COL5A2: variants seen among roughly 807,000 people sequenced by gnomAD.
COL5A2 encodes the protein collagen type V alpha 2 chain.
A neutral mutation model predicts 208.2 loss-of-function variants in COL5A2; 23 were observed. The observed-to-expected ratio is 0.11, with a 90% CI of 0.08 to 0.16. The LOEUF (loss-of-function observed/expected upper bound fraction) is 0.16. COL5A2 is among the 10% of genes least tolerant of loss of function. The pLI, the probability that COL5A2 is intolerant of heterozygous loss-of-function variation, is 1.00. For missense variants in COL5A2, 1,590 were observed against 1,956.4 expected, an observed-to-expected ratio of 0.81 and a Z score of 3.53; for synonymous variants, 625 against 628.5, an observed-to-expected ratio of 0.99 and a Z score of 0.08.
the COL5A2 span, among the ~76,000 whole-genome samples, chr2:189,233,916 C>A: frequency 1.3e-5 from 2 of 151,576 alleles, no homozygotes; most frequent in African/African-American, 4.8e-5. Context: ...CACCACATAC[C>A]CCCATTGTAA....
intron 1 of COL5A2, among the ~76,000 whole-genome samples, chr2:189,222,300 T>A (rs532814478): frequency 2.6e-5 from 4 of 152,176 alleles, no homozygotes; most frequent in Non-Finnish European, 5.9e-5. Flanking sequence ...TCAGTAGGAT[T>A]GAGGGTGTGG....
chr2:189,164,170 C>T (rs1052088024), intron 1 of COL5A2, among the ~76,000 whole-genome samples: 3 of 152,044 alleles, frequency 2.0e-5, no homozygotes, highest in Non-Finnish European at 4.4e-5. Flanking sequence ...ACCTTCTGAC[C>T]CAGAGAAAAG....
At chr2:189,252,276 G>T in the COL5A2 span, among the ~76,000 whole-genome samples, 1 of 152,142 alleles carries the variant, frequency 6.6e-6, no homozygotes, top group Non-Finnish European at 1.5e-5. Context: ...ATACCCAAAG[G>T]ATTATAAATC....
chr2:189,092,141 A>C (rs561042706), intron 7 of COL5A2, among the ~76,000 whole-genome samples, 169 bp downstream of exon 7: 1 of 152,276 alleles, frequency 6.6e-6, no homozygotes, highest in East Asian at 1.9e-4. Flanking sequence ...TTTTTCCAAC[A>C]ATTCCCTGTG....
Position 189,100,116 on chromosome 2 carries a change from T to C in COL5A2, c.360A>G (p.Leu120=), listed in dbSNP as rs1325683648. The C allele has an allele frequency of 1.9e-6, 3 of 1,610,070 alleles. No homozygotes were observed. Among genetic ancestry groups the C allele is most frequent in the Non-Finnish European group, 1.7e-6 (2 of 1,176,644 alleles). Residue 120 remains leucine, a synonymous_variant, in exon 4 of 54, where the codon TTA becomes TTG. Transcript: ENST00000374866. ...GRKGQKGEPG[L]VPVVTGIRGR... ...TTATACATATACTTACAACAGGCAC[T>C]AATCCTGGTTCTCCCTTTTGTCCCT...
intron 8 of COL5A2, among the ~76,000 whole-genome samples, chr2:189,087,795 T>C (rs1235936434): frequency 6.6e-6 from 1 of 151,836 alleles, no homozygotes; most frequent in Non-Finnish European, 1.5e-5. Context: ...ATGGCAAGAT[T>C]TTAATTTTTT....
chr2:189,061,693 T>C, intron 29 of COL5A2, 78 bp from the exon 30 acceptor site: 1 of 1,024,528 alleles, frequency 9.8e-7, no homozygotes, highest in African/African-American at 1.6e-5. Flanking sequence ...CCACTAGAAG[T>C]ACTGATATTT....
chr2:189,071,358 G>A (rs1183344748), intron 18 of COL5A2, among the ~76,000 whole-genome samples: 1 of 152,152 alleles, frequency 6.6e-6, no homozygotes, highest in Non-Finnish European at 1.5e-5. Context: ...ATTTGAAAGA[G>A]GTGTTCTGAA....
At chr2:189,200,978 A>G (rs1458324608) in intron 1 of COL5A2, among the ~76,000 whole-genome samples, 2 of 146,800 alleles carry the variant, frequency 1.4e-5, no homozygotes, top group Non-Finnish European at 3.1e-5. Flanking sequence ...AAAGTTCTTC[A>G]GACAAAAGAA....
intron 53 of COL5A2, among the ~76,000 whole-genome samples, chr2:189,034,633 G>A (rs926174562): frequency 6.6e-6 from 1 of 152,156 alleles, no homozygotes; most frequent in African/African-American, 2.4e-5. Flanking sequence ...ATGGGACTGA[G>A]ATTCAGTAAG....
the COL5A2 span, among the ~76,000 whole-genome samples, chr2:189,238,360 A>G: frequency 6.6e-6 from 1 of 152,134 alleles, no homozygotes; most frequent in South Asian, 2.1e-4. Context: ...TCTTTCCTGT[A>G]CATTGAAAAT....
the COL5A2 span, among the ~76,000 whole-genome samples, chr2:189,350,555 T>C: frequency 2.0e-5 from 3 of 152,202 alleles, no homozygotes; most frequent in Non-Finnish European, 2.9e-5. Context: ...CCCGTCATGA[T>C]AACATGCACT....
the COL5A2 span, among the ~76,000 whole-genome samples, chr2:189,421,357 G>A: frequency 6.6e-6 from 1 of 152,164 alleles, no homozygotes; most frequent in East Asian, 1.9e-4. Flanking sequence ...ATCCACGCAC[G>A]AAATTACCTT....
chr2:189,093,987 C>T (rs371089501), intron 6 of COL5A2, among the ~76,000 whole-genome samples: 2 of 152,180 alleles, frequency 1.3e-5, no homozygotes, highest in South Asian at 2.1e-4. Flanking sequence ...ATAATCTCTG[C>T]TCCCAATGAG....
At chr2:189,055,596 C>A (rs930281053) in intron 35 of COL5A2, among the ~76,000 whole-genome samples, 1 of 152,128 alleles carries the variant, frequency 6.6e-6, no homozygotes, top group Admixed American at 6.5e-5. Context: ...TAATATACTT[C>A]TTTAAAGGAT....
the COL5A2 span, among the ~76,000 whole-genome samples, chr2:189,290,758 T>TCAC: frequency 1.9e-5 from 1 of 51,300 alleles, no homozygotes; most frequent in African/African-American, 6.4e-5. Flanking sequence ...ACACACACAT[T>TCAC]ATTATATACA....
At chr2:189,367,157 G>A in the COL5A2 span, among the ~76,000 whole-genome samples, 7,728 of 152,130 alleles carry the variant, frequency 0.051, 245 homozygotes, top group African/African-American at 0.082. Context: ...TTTTTTCCCA[G>A]AGTATGTTCA....
the COL5A2 span, among the ~76,000 whole-genome samples, chr2:189,433,838 C>T: frequency 6.6e-6 from 1 of 152,140 alleles, no homozygotes; most frequent in African/African-American, 2.4e-5. Flanking sequence ...TTTATGAGGC[C>T]AGCATCATCC....
chr2:189,397,450 T>C, the COL5A2 span, among the ~76,000 whole-genome samples: 2 of 152,176 alleles, frequency 1.3e-5, no homozygotes, highest in Admixed American at 1.3e-4. Flanking sequence ...ATTGCCAACT[T>C]TTAAGGTAAG....
Sources: allele counts gnomAD v4.1 joint callset (sites outside exome capture counted in the v4.1 genomes callset), GRCh38; gene constraint gnomAD v4.1.1; transcripts MANE v1.5; gene names NCBI Gene and HGNC (gene_info 2026-07-23, HGNC 2026-07-21).